The following SRGAP2C variants were observed in gnomAD, a reference collection of about 807,000 sequenced individuals.
The protein encoded by SRGAP2C is SLIT-ROBO Rho GTPase-activating protein 2C.
SRGAP2C carries 15 observed loss-of-function variants against 25.1 expected under a neutral mutation model. The observed-to-expected ratio is 0.60, with a 90% CI of 0.40 to 0.92. The LOEUF (loss-of-function observed/expected upper bound fraction) is 0.92. Ranked by LOEUF, SRGAP2C falls within the 40% of genes least tolerant of loss-of-function variation. The pLI is 0.00. For synonymous variants in SRGAP2C, 44 were observed against 96.6 expected (o/e 0.46, Z 3.19); for missense variants, 144 against 264.4 (o/e 0.54, Z 3.16).
At chr1:121,264,052 G>C (rs1173999353) in intron 2 of SRGAP2C, among the ~76,000 whole-genome samples, 1 of 151,898 alleles carries the variant, frequency 6.6e-6, no homozygotes, top group African/African-American at 2.4e-5. Context: ...GATGAGGAAA[G>C]TGAAACTCAG....
intron 4 of SRGAP2C, among the ~76,000 whole-genome samples, chr1:121,359,548 G>T (rs587646345): frequency 1.3e-5 from 2 of 152,254 alleles, no homozygotes; most frequent in African/African-American, 4.8e-5. Flanking sequence ...CAGGAGGATT[G>T]TTTGAAGCCA....
chr1:121,204,577 T>C (rs1655071093), intron 2 of SRGAP2C, among the ~76,000 whole-genome samples: 1 of 152,190 alleles, frequency 6.6e-6, no homozygotes, highest in Admixed American at 6.5e-5. Context: ...AGTTCTTAAA[T>C]GGCAATCTAG....
intron 3 of SRGAP2C, among the ~76,000 whole-genome samples, chr1:121,295,658 G>A (rs1657580306): frequency 6.6e-6 from 1 of 152,040 alleles, no homozygotes; most frequent in Admixed American, 6.5e-5. Flanking sequence ...AAAGAGGTCT[G>A]TAAAGTGTCT....
rs587607867 is a variant in SRGAP2C at position 121,389,128 on chromosome 1, A to G, written c.*1273A>G. On this transcript the variant is annotated 3_prime_UTR_variant, in exon 10 of 10. Coordinates refer to ENST00000367123, the MANE Select transcript of SRGAP2C (RefSeq NM_001329984.2). ...CATATTGTTTTACAATCTAAGTCAT[A>G]TAATTATAATATTCTTTAAGCATAT... The G allele has an allele frequency of 2.7e-4, 41 of 152,264 alleles. No homozygotes were observed. The highest frequency in any genetic ancestry group is 9.1e-4 in the African/African-American group (38 of 41,570). 9.4% of individuals were successfully genotyped at this position (152,264 alleles called of 1,614,324 possible).
chr1:121,238,761 G>A (rs1553329152), intron 2 of SRGAP2C, among the ~76,000 whole-genome samples: 1 of 148,584 alleles, frequency 6.7e-6, no homozygotes, highest in African/African-American at 2.5e-5. Flanking sequence ...CTACAATTGT[G>A]CACCACTACA....
At chr1:121,350,321 T>C (rs1658869546) in intron 4 of SRGAP2C, among the ~76,000 whole-genome samples, 2 of 137,734 alleles carry the variant, frequency 1.5e-5, no homozygotes, top group African/African-American at 5.4e-5. Flanking sequence ...AGAAACAAAT[T>C]TAAATCCTCT....
chr1:121,250,340 T>C lies in SRGAP2C; in HGVS notation c.68-34463T>C, dbSNP rs1227568702. Among the ~76,000 whole-genome samples the C allele has an allele frequency of 6.6e-5, 6 of 91,220 alleles. 1 individual carries two copies. The highest frequency in any genetic ancestry group is 1.3e-4 in the Non-Finnish European group (6 of 45,710). 59.8% of individuals were successfully genotyped at this position (91,220 alleles called of 152,430 possible). A position where few individuals can be genotyped will look rare whatever the true frequency, so the allele number is the denominator to read the frequency against. ...AAACAGTAAAAATAATATAAAATAA[T>C]ATGACAGGCTTAAGACTAAATATAT... is the stretch of plus-strand genomic sequence containing the variant. On this transcript the variant is annotated intron_variant, in intron 2 of 9. Transcript: ENST00000367123.
At chr1:121,235,131 CCA>C (rs1655923323) in intron 2 of SRGAP2C, among the ~76,000 whole-genome samples, 1 of 146,572 alleles carries the variant, frequency 6.8e-6, no homozygotes, top group Non-Finnish European at 1.5e-5. Flanking sequence ...ACGCCATTCT[CCA>C]TTCTCCAGCT....
intron 4 of SRGAP2C, among the ~76,000 whole-genome samples, chr1:121,347,381 T>C (rs1225349008): frequency 7.9e-6 from 1 of 126,808 alleles, no homozygotes; most frequent in Admixed American, 8.4e-5. Flanking sequence ...AATATAGAGA[T>C]AAAATTTTGT....
rs200766325 is a variant in SRGAP2C, at chr1:121,211,169, C to CT, written c.67+23666dup. Among the ~76,000 whole-genome samples the CT allele has an allele frequency of 3.9e-3, 584 of 148,544 alleles. 5 individuals are homozygous for CT. Among genetic ancestry groups the CT allele is most frequent in the African/African-American group, 0.012 (494 of 40,220 alleles). ...ACCTTGACTCTCTTTTTATGCAACA[C>CT]TTTTTTTTTTGTCCTCTCAGAGACT... On this transcript the variant is annotated intron_variant, in intron 2 of 9. Transcript: ENST00000367123.
At chr1:121,274,596 GA>G (rs1162892442) in intron 2 of SRGAP2C, among the ~76,000 whole-genome samples, 2 of 76,570 alleles carry the variant, frequency 2.6e-5, no homozygotes, top group Non-Finnish European at 5.2e-5. Context: ...TTTTAATATT[GA>G]TCTGGTTTGT....
In SRGAP2C at chr1:121,366,936, C is replaced by A. The variant is rs201440210; in HGVS notation, c.486+1581C>A. ...GTCCTATGTCTCTTCATATGCTGTG[C>A]TTTAAAAAAAAAAATAAGTGAAAGG... On this transcript the variant is annotated intron_variant, in intron 5 of 9. Transcript: ENST00000367123. 1.6e-3 allele frequency among the ~76,000 whole-genome samples: 153 copies of A among 93,624 alleles called. 31 individuals carry two copies. In the East Asian group the frequency reaches 0.03, roughly 18 times the overall value. 61.4% of individuals were successfully genotyped at this position (93,624 alleles called of 152,430 possible).
At chr1:121,216,350 A>G (rs1655385051) in intron 2 of SRGAP2C, among the ~76,000 whole-genome samples, 2 of 152,144 alleles carry the variant, frequency 1.3e-5, no homozygotes, top group Non-Finnish European at 1.5e-5. Context: ...AGGTCCATGA[A>G]GGTTTTATTC....
At chr1:121,186,566 G>A (rs1259729205) in intron 1 of SRGAP2C, among the ~76,000 whole-genome samples, 2 of 149,386 alleles carry the variant, frequency 1.3e-5, no homozygotes, top group Non-Finnish European at 3.0e-5. Context: ...TCGGGGGCTA[G>A]GTCGGGAGGG....
intron 3 of SRGAP2C, among the ~76,000 whole-genome samples, chr1:121,307,738 T>A (rs1657876868): frequency 6.6e-6 from 1 of 151,190 alleles, no homozygotes; most frequent in African/African-American, 2.4e-5. Context: ...TACTTCTGGA[T>A]CTTGATAATT....
intron 2 of SRGAP2C, among the ~76,000 whole-genome samples, chr1:121,201,077 G>T: frequency 1.1e-5 from 1 of 90,244 alleles, no homozygotes. Flanking sequence ...ATCTTTAAAT[G>T]ACATTAATTA....
At chr1:121,216,099 G>C (rs1164239473) in intron 2 of SRGAP2C, among the ~76,000 whole-genome samples, 2 of 152,156 alleles carry the variant, frequency 1.3e-5, no homozygotes, top group African/African-American at 4.8e-5. Flanking sequence ...TACCAGCAAA[G>C]CTGGGTACCT....
chr1:121,286,670 C>G (rs1187443889), intron 3 of SRGAP2C, among the ~76,000 whole-genome samples: 1 of 152,248 alleles, frequency 6.6e-6, no homozygotes, highest in East Asian at 1.9e-4. Context: ...GATCCCACAA[C>G]ATAGCATGTG....
At chr1:121,379,082 G>C (rs1291579108) in intron 7 of SRGAP2C, among the ~76,000 whole-genome samples, 1 of 152,220 alleles carries the variant, frequency 6.6e-6, no homozygotes, top group Non-Finnish European at 1.5e-5. Flanking sequence ...CATAGCTGGA[G>C]TGTTGTAAGT....
Sources: gnomAD v4.1 joint callset for allele counts (sites outside exome capture counted in the v4.1 genomes callset) on GRCh38, gnomAD v4.1.1 for gene constraint, MANE v1.5 for transcripts, NCBI Gene and HGNC (gene_info 2026-07-23, HGNC 2026-07-21) for gene names.